Variants in NCAM2 observed in about 807,000 individuals in gnomAD.
NCAM2 encodes the protein neural cell adhesion molecule 2, also known as N-CAM-2.
NCAM2 carries 30 observed loss-of-function variants against 98.1 expected under a neutral mutation model. That is an observed-to-expected ratio of 0.31 (90% CI 0.23 to 0.41). The LOEUF (loss-of-function observed/expected upper bound fraction) is 0.41, where lower values mean the gene tolerates loss of function less well. Among genes scored for constraint, NCAM2 ranks in the 10% least tolerant of loss-of-function variants. The pLI, the probability that NCAM2 is intolerant of heterozygous loss-of-function variation, is 1.00. For missense variants in NCAM2, 867 were observed against 1,005.8 expected (o/e 0.86, Z 1.87); for synonymous variants, 368 against 342.4 (o/e 1.07, Z -0.83).
At chr21:21,378,193 G>A (rs1473303961) in intron 9 of NCAM2, among the ~76,000 whole-genome samples, 2 of 149,760 alleles carry the variant, frequency 1.3e-5, no homozygotes, top group Non-Finnish European at 3.0e-5. Flanking sequence ...TTTTTCCTTT[G>A]GGTATAAACC....
chr21:21,275,166 C>T (rs1462365890), intron 1 of NCAM2, among the ~76,000 whole-genome samples: 2 of 151,936 alleles, frequency 1.3e-5, no homozygotes, highest in Admixed American at 6.6e-5. Context: ...TTGGACCGGG[C>T]GCGGTGGCTC....
At chr21:21,534,138 A>C (rs957113330) in intron 16 of NCAM2, among the ~76,000 whole-genome samples, 2 of 151,994 alleles carry the variant, frequency 1.3e-5, no homozygotes, top group African/African-American at 4.8e-5. Flanking sequence ...TTATTATTTT[A>C]AAAATGTTTT....
chr21:21,223,857 G>A (rs943803642), intron 1 of NCAM2: 5 of 152,006 alleles, frequency 3.3e-5, no homozygotes, highest in African/African-American at 1.2e-4. Flanking sequence ...TGCCTAAGAC[G>A]AATAAAACAT....
chr21:21,152,266 G>A (rs562621075), intron 1 of NCAM2, among the ~76,000 whole-genome samples: 3 of 151,850 alleles, frequency 2.0e-5, no homozygotes, highest in Non-Finnish European at 2.9e-5. Flanking sequence ...TTAAAGTTCC[G>A]TTTTATTTTT....
At chr21:21,382,536 G>A (rs1405234131) in intron 9 of NCAM2, among the ~76,000 whole-genome samples, 1 of 142,494 alleles carries the variant, frequency 7.0e-6, no homozygotes, top group Admixed American at 7.1e-5. Flanking sequence ...TTTTTTTTGA[G>A]ATGGAGTCTT....
At chr21:21,057,236 G>C (rs1388360866) in intron 1 of NCAM2, among the ~76,000 whole-genome samples, 1 of 152,082 alleles carries the variant, frequency 6.6e-6, no homozygotes, top group Non-Finnish European at 1.5e-5. Flanking sequence ...CACAACAGCA[G>C]TTACATGGAG....
chr21:21,000,350 G>A (rs757609159), intron 1 of NCAM2, among the ~76,000 whole-genome samples: 1 of 152,206 alleles, frequency 6.6e-6, no homozygotes, highest in Admixed American at 6.5e-5. Flanking sequence ...GGATTACATT[G>A]TGAGTGGTTT....
chr21:21,541,736 A>G lies in NCAM2; in HGVS notation c.*3779A>G, dbSNP rs1382718414. 1 of 151,782 alleles carries G rather than the reference A, an allele frequency of 6.6e-6. No individual in the cohort carries two copies. The highest frequency in any genetic ancestry group is 1.5e-5 in the Non-Finnish European group (1 of 67,758). 9.4% of individuals were successfully genotyped at this position (151,782 alleles called of 1,614,324 possible). ...CATTAGTTAATTTAGGAAATATTGG[A>G]ATAGCATATTATAATTATTTATGAG... On this transcript the variant is annotated 3_prime_UTR_variant, in exon 18 of 18. Coordinates refer to ENST00000400546, the MANE Select transcript of NCAM2 (RefSeq NM_004540.5).
chr21:21,388,571 C>T (rs926282916), intron 9 of NCAM2, among the ~76,000 whole-genome samples: 3 of 152,240 alleles, frequency 2.0e-5, no homozygotes, highest in East Asian at 1.9e-4. Flanking sequence ...CTGTCCAGTC[C>T]GGCAGCCACT....
chr21:21,021,617 A>G (rs538732357), intron 1 of NCAM2, among the ~76,000 whole-genome samples: 1 of 152,328 alleles, frequency 6.6e-6, no homozygotes, highest in Non-Finnish European at 1.5e-5. Flanking sequence ...ACAATTTTCC[A>G]GGGGTAGCTT....
chr21:21,324,942 T>G (rs1426229539), intron 6 of NCAM2, among the ~76,000 whole-genome samples: 10 of 152,096 alleles, frequency 6.6e-5, no homozygotes, highest in Admixed American at 6.6e-4. Flanking sequence ...AAAAACTGAT[T>G]TATAGCATTA....
intron 1 of NCAM2, among the ~76,000 whole-genome samples, chr21:21,210,996 AC>A (rs1273350420): frequency 2.0e-5 from 3 of 151,046 alleles, no homozygotes; most frequent in African/African-American, 4.9e-5. Flanking sequence ...ACACACACAC[AC>A]ACACACACAC....
intron 1 of NCAM2, among the ~76,000 whole-genome samples, chr21:21,215,991 G>A (rs1275478670): frequency 1.3e-5 from 2 of 152,082 alleles, no homozygotes; most frequent in African/African-American, 2.4e-5. Context: ...ACTGAAATAG[G>A]CACTGTTTAA....
At chr21:21,289,203 A>G (rs1416165096) in intron 4 of NCAM2, among the ~76,000 whole-genome samples, 1 of 151,908 alleles carries the variant, frequency 6.6e-6, no homozygotes, top group African/African-American at 2.4e-5. Context: ...TATATAACCT[A>G]CTTCTAGTAT....
intron 15 of NCAM2, among the ~76,000 whole-genome samples, chr21:21,501,617 C>CT (rs5842933): frequency 0.3 from 42,597 of 143,880 alleles, 7,055 homozygotes; most frequent in Non-Finnish European, 0.38. Context: ...ATTAATGTTC[C>CT]TTTTTTTTTT....
At chr21:21,062,374 A>T (rs537466970) in intron 1 of NCAM2, among the ~76,000 whole-genome samples, 6 of 152,282 alleles carry the variant, frequency 3.9e-5, no homozygotes, top group Non-Finnish European at 7.4e-5. Flanking sequence ...ATAGTATTTC[A>T]ATTCCAATCA....
intron 15 of NCAM2, among the ~76,000 whole-genome samples, chr21:21,482,714 T>C (rs1311671233): frequency 6.6e-6 from 1 of 151,812 alleles, no homozygotes; most frequent in Non-Finnish European, 1.5e-5. Context: ...AGTATGCTAG[T>C]GGATACTACA....
At chr21:21,120,187 C>A (rs1217232070) in intron 1 of NCAM2, among the ~76,000 whole-genome samples, 1 of 152,150 alleles carries the variant, frequency 6.6e-6, no homozygotes, top group African/African-American at 2.4e-5. Context: ...AAGGATAATG[C>A]ATTTTCTAAG....
At chr21:21,082,276 C>CAAAAA (rs1258667195) in intron 1 of NCAM2, among the ~76,000 whole-genome samples, 1 of 19,360 alleles carries the variant, frequency 5.2e-5, no homozygotes, top group Admixed American at 4.8e-4. Flanking sequence ...TATCAGAGCT[C>CAAAAA]AAAACAAAAA....
Sources: gnomAD v4.1 joint callset for allele counts (sites outside exome capture counted in the v4.1 genomes callset) on GRCh38, gnomAD v4.1.1 for gene constraint, MANE v1.5 for transcripts, NCBI Gene and HGNC (gene_info 2026-07-23, HGNC 2026-07-21) for gene names.